PARP15: variants seen among roughly 807,000 people sequenced by gnomAD.
The protein encoded by PARP15 is poly(ADP-ribose) polymerase family member 15, also known as protein mono-ADP-ribosyltransferase PARP15.
PARP15 carries 50 observed loss-of-function variants against 62.1 expected under a neutral mutation model. The ratio of observed to expected loss-of-function variants is 0.81; its 90% CI spans 0.64 to 1.02. PARP15 has a LOEUF of 1.02. Among genes scored for constraint, PARP15 ranks in the 50% least tolerant of loss-of-function variants. The pLI is 0.00. For synonymous variants in PARP15, 309 were observed against 293.1 expected (o/e 1.05, Z -0.55); for missense variants, 820 against 826.5 (o/e 0.99, Z 0.10).
intron 8 of PARP15, among the ~76,000 whole-genome samples, chr3:122,626,353 A>T (rs1428962865): frequency 1.3e-5 from 2 of 151,824 alleles, no homozygotes; most frequent in Non-Finnish European, 2.9e-5. Context: ...TGCCCGCCAC[A>T]ACGCCTGGCT....
chr3:122,627,588 C>T (rs1173758674), intron 9 of PARP15, among the ~76,000 whole-genome samples: 3 of 152,184 alleles, frequency 2.0e-5, no homozygotes, highest in Admixed American at 6.5e-5. Context: ...TCGTTTTCCC[C>T]TATTTTGTGG....
rs966095810 is a variant in PARP15 at position 122,577,792 on chromosome 3, T to C, written c.125T>C (p.Val42Ala). The C allele has an allele frequency of 6.4e-7, 1 of 1,550,810 alleles. No individual in the cohort carries two copies. The highest frequency in any genetic ancestry group is 1.2e-5 in the South Asian group (1 of 84,002). ...GGACGAGATCGGGAGGCGGGGAGCG[T>C]GCTGCCGGCCGGGAACCGTGGGGCG... ...RAGRDREAGS[V>A]LPAGNRGARK... Residue 42 changes from valine (V) to alanine (A), a missense_variant, in exon 1 of 12, where the codon GTG (valine) becomes GCG (alanine). Val to Ala is a moderately conservative substitution (Grantham distance 64). This residue lies in a region of PARP15 where 731 missense variants were observed against 727.7 expected (regional missense o/e 1.00). Coordinates refer to ENST00000464300, the MANE Select transcript of PARP15 (RefSeq NM_001113523.3).
chr3:122,633,828 CTG>C (rs1363807603), intron 10 of PARP15, among the ~76,000 whole-genome samples: 1 of 152,204 alleles, frequency 6.6e-6, no homozygotes, highest in Non-Finnish European at 1.5e-5. Context: ...TACACAATAT[CTG>C]TGACTTTCTT....
intron 1 of PARP15, among the ~76,000 whole-genome samples, chr3:122,593,015 T>C (rs538877830): frequency 6.6e-6 from 1 of 152,270 alleles, no homozygotes; most frequent in African/African-American, 2.4e-5. Context: ...CCTTGAACAT[T>C]CAATTTGTAA....
Position 122,615,807 on chromosome 3 carries a change from C to A in PARP15, c.800C>A (p.Ser267Ter), listed in dbSNP as rs1935924054. 2 of 1,613,300 alleles carry A rather than the reference C, an allele frequency of 1.2e-6. No individual in the cohort carries two copies. Among genetic ancestry groups the A allele is most frequent in the Admixed American group, 1.7e-5 (1 of 59,964 alleles). ...QAFLDEFTNW[S>*]RINPNKARIP... ...TTTTTAGATGAATTCACTAACTGGT[C>A]AAGAATAAATCCCAACAAGGCCAGG... The change falls in exon 5 of 12, where the codon TCA (serine) becomes TAA (stop). Residue 267 changes from serine (S) to a stop codon, truncating the protein, a stop_gained. Coordinates refer to ENST00000464300, the MANE Select transcript of PARP15 (RefSeq NM_001113523.3). LOFTEE classifies it high-confidence loss of function.
chr3:122,581,762 C>T (rs1307032464), intron 1 of PARP15, among the ~76,000 whole-genome samples: 1 of 152,098 alleles, frequency 6.6e-6, no homozygotes, highest in African/African-American at 2.4e-5. Context: ...TTTGTTTATT[C>T]TTACTTTTAT....
chr3:122,600,077 A>C (rs939836888), intron 1 of PARP15, among the ~76,000 whole-genome samples: 1 of 152,238 alleles, frequency 6.6e-6, no homozygotes, highest in Non-Finnish European at 1.5e-5. Flanking sequence ...GGATAGCTAT[A>C]ATTCTTAGCA....
intron 1 of PARP15, among the ~76,000 whole-genome samples, chr3:122,588,345 A>G (rs1437003843): frequency 8.9e-6 from 1 of 111,958 alleles, no homozygotes; most frequent in Non-Finnish European, 1.9e-5. Flanking sequence ...ATTTTCTAGG[A>G]ATTGGTTTAT....
intron 4 of PARP15, chr3:122,615,150 CTT>C (rs1358829893): frequency 8.8e-7 from 1 of 1,141,876 alleles, no homozygotes; most frequent in East Asian, 6.5e-5. Flanking sequence ...CCAAGTGAAA[CTT>C]TATAACTCTA....
At chr3:122,635,580 T>G (rs1937311341) in intron 11 of PARP15, among the ~76,000 whole-genome samples, 1 of 152,038 alleles carries the variant, frequency 6.6e-6, no homozygotes, top group South Asian at 2.1e-4. Flanking sequence ...GGCTAATAAT[T>G]TTGTTTTATT....
chr3:122,624,217 A>G (rs977865426), intron 8 of PARP15, among the ~76,000 whole-genome samples: 2 of 152,184 alleles, frequency 1.3e-5, no homozygotes, highest in African/African-American at 4.8e-5. Flanking sequence ...GAGTACCACT[A>G]AACTCCTATG....
intron 8 of PARP15, among the ~76,000 whole-genome samples, chr3:122,626,125 G>C (rs1936707580): frequency 6.6e-6 from 1 of 151,972 alleles, no homozygotes; most frequent in South Asian, 2.1e-4. Context: ...TCTATGATTG[G>C]GTATCTTATC....
chr3:122,590,911 ATGT>A (rs1933859327), intron 1 of PARP15, among the ~76,000 whole-genome samples: 1 of 152,200 alleles, frequency 6.6e-6, no homozygotes, highest in South Asian at 2.1e-4. Context: ...TTGCGGTAAA[ATGT>A]TGTAGCTCTA....
chr3:122,581,283 A>G (rs547346467), intron 1 of PARP15, among the ~76,000 whole-genome samples: 3 of 152,198 alleles, frequency 2.0e-5, no homozygotes, highest in South Asian at 2.1e-4. Flanking sequence ...TGGGACTGCC[A>G]TGCTGTTTTC....
At position 122,638,326 on chromosome 3, in the gene PARP15, T is replaced by C. The variant is rs1268273183; in HGVS notation, c.*2226T>C. ...TTGGGTATATACCCAGTAATGGGAT[T>C]GCTGGGTCAAATGGTATTTCTAGTT... On this transcript the variant is annotated 3_prime_UTR_variant, in exon 12 of 12. Transcript: ENST00000464300. 4.0e-5 allele frequency: 6 copies of C among 151,834 alleles called. No individual in the cohort carries two copies. The highest frequency in any genetic ancestry group is 1.2e-4 in the African/African-American group (5 of 41,330). The allele number at this position is 151,834 out of a possible 1,614,324, so 9.4% of individuals were successfully genotyped here.
intron 1 of PARP15, among the ~76,000 whole-genome samples, chr3:122,597,532 G>A (rs1370563472): frequency 6.6e-6 from 1 of 152,060 alleles, no homozygotes; most frequent in Non-Finnish European, 1.5e-5. Context: ...AAAGTGCTGG[G>A]ATTACAGATG....
At chr3:122,631,632 T>C (rs1937066232) in intron 9 of PARP15, among the ~76,000 whole-genome samples, 1 of 152,244 alleles carries the variant, frequency 6.6e-6, no homozygotes. Flanking sequence ...GTGCTTTCTC[T>C]ACTTGGTGTA....
chr3:122,607,659 G>T (rs1935246421), intron 2 of PARP15, among the ~76,000 whole-genome samples: 1 of 152,074 alleles, frequency 6.6e-6, no homozygotes, highest in Non-Finnish European at 1.5e-5. Context: ...AGAAACCAAG[G>T]TCTTTTCACT....
rs1935142187 is a variant in PARP15 at position 122,606,055 on chromosome 3, G to T, written c.306G>T (p.Trp102Cys). Residue 102 changes from tryptophan to cysteine, a missense_variant and splice_region_variant, in exon 2 of 12, where the codon TGG becomes TGT. This residue lies in a region of PARP15 where 731 missense variants were observed against 727.7 expected (regional missense o/e 1.00). Coordinates refer to ENST00000464300, the MANE Select transcript of PARP15 (RefSeq NM_001113523.3). ...KLISGDVLYI[W>C]ADVIVNSVPM... ...TAAGTGGAGATGTTCTGTACATCTG[G>T]GTAGGTGATGCCATTTAATAAATCT... 2 of 1,551,316 alleles carry T rather than the reference G, an allele frequency of 1.3e-6. No individual in the cohort carries two copies. The highest frequency in any genetic ancestry group is 1.7e-6 in the Non-Finnish European group (2 of 1,146,574).
Sources: gnomAD v4.1 joint callset for allele counts (sites outside exome capture counted in the v4.1 genomes callset) on GRCh38, gnomAD v4.1.1 for gene constraint, gnomAD v4.1.1 regional missense constraint, MANE v1.5 for transcripts, NCBI Gene and HGNC (gene_info 2026-07-23, HGNC 2026-07-21) for gene names.